GCDH: variants seen among roughly 807,000 people sequenced by gnomAD.
GCDH encodes the protein glutaryl-CoA dehydrogenase, mitochondrial.
A neutral mutation model predicts 52.8 loss-of-function variants in GCDH; 31 were observed. The observed-to-expected ratio is 0.59, with a 90% CI of 0.44 to 0.79. The LOEUF is 0.79. Ranked by LOEUF, GCDH falls within the 30% of genes least tolerant of loss-of-function variation. The pLI is 0.00. For missense variants in GCDH, 509 were observed against 595.0 expected (o/e 0.86, Z 1.50); for synonymous variants, 242 against 250.0 (o/e 0.97, Z 0.30).
In GCDH at chr19:12,899,931, C is replaced by T; in HGVS notation, c.*390C>T. ...TAGTGCCTTATGCTGGGTGTTGGAG[C>T]AGAGTGAGGGAGAGGAAAATAAAGA... On this transcript the variant is annotated 3_prime_UTR_variant, in exon 12 of 12. Transcript: ENST00000222214. 1 of 1,610,348 alleles carries T rather than the reference C, an allele frequency of 6.2e-7. No homozygotes were observed. Among genetic ancestry groups the T allele is most frequent in the Non-Finnish European group, 8.5e-7 (1 of 1,178,810 alleles).
chr19:12,897,103 C>A, intron 9 of GCDH, 90 bp downstream of exon 9: 1 of 1,224,940 alleles, frequency 8.2e-7, no homozygotes, highest in South Asian at 1.2e-5. Flanking sequence ...AGCCCCCACC[C>A]ACCAGGCCTG....
rs934795820 is a variant in GCDH at position 12,896,737 on chromosome 19, C to T, written c.853-173C>T. 1.6e-4 allele frequency among the ~76,000 whole-genome samples: 25 copies of T among 152,178 alleles called. No homozygotes were observed. Among genetic ancestry groups the T allele is most frequent in the Non-Finnish European group, 2.9e-5 (2 of 68,034 alleles). ...AGGCTGGGTGGGACTGTGTGCAAAC[C>T]GAGTGAGCAGGCACCGAGCTTCAGT... On this transcript the variant is annotated intron_variant, in intron 8 of 11. Coordinates refer to ENST00000222214, the MANE Select transcript of GCDH (RefSeq NM_000159.4). The surrounding 1 kb of genome is among the most constrained non-coding windows in gnomAD (Gnocchi z 5.5).
At chr19:12,891,695 T>G (rs1970560109) in intron 3 of GCDH, 136 bp from the exon 4 acceptor site, 2 of 1,599,722 alleles carry the variant, frequency 1.3e-6, no homozygotes, top group Non-Finnish European at 8.5e-7. Context: ...CGGAGAAAAG[T>G]CACCTGATCA....
Position 12,896,306 on chromosome 19 carries a change from C to T in GCDH, c.737C>T (p.Ser246Leu), listed in dbSNP as rs754312389. The T allele has an allele frequency of 8.7e-6, 14 of 1,613,904 alleles. No individual in the cohort carries two copies. The highest frequency in any genetic ancestry group is 4.5e-5 in the East Asian group (2 of 44,886). ...FLLEKGMRGL[S>L]APRIQGKFSL... ...CTGGAGAAGGGGATGCGGGGTCTCT[C>T]GGCCCCCAGGATCCAGGGCAAGTTC... Residue 246 changes from serine (S) to leucine (L), a missense_variant, in exon 8 of 12, where the codon TCG (serine) becomes TTG (leucine). Coordinates refer to ENST00000222214, the MANE Select transcript of GCDH (RefSeq NM_000159.4). The surrounding 1 kb of genome is among the most constrained non-coding windows in gnomAD (Gnocchi z 5.5).
Position 12,893,474 on chromosome 19 carries a change from T to C in GCDH, c.335-9T>C, listed in dbSNP as rs2145943908. 1 of 1,612,992 alleles carries C rather than the reference T, an allele frequency of 6.2e-7. No individual in the cohort carries two copies. The highest frequency in any genetic ancestry group is 2.2e-5 in the East Asian group (1 of 44,888). On this transcript the variant is annotated splice_polypyrimidine_tract_variant and intron_variant, in intron 5 of 11. Transcript: ENST00000222214. Reference sequence around the variant, plus strand: ...CTATTGTCCTGCTTTCCCCTCCTACTACCACCAGGATATGGCTGTGCTGGG... The same window carrying C: ...CTATTGTCCTGCTTTCCCCTCCTACCACCACCAGGATATGGCTGTGCTGGG...
In GCDH at chr19:12,897,711, C is replaced by G; in HGVS notation, c.1091C>G (p.Pro364Arg). 6.2e-7 allele frequency: 1 copy of G among 1,614,154 alleles called. No individual in the cohort carries two copies. Among genetic ancestry groups the G allele is most frequent in the Non-Finnish European group, 8.5e-7 (1 of 1,180,010 alleles). The change falls in exon 11 of 12, where the codon CCC becomes CGC. Residue 364 changes from proline (P) to arginine (R), a missense_variant. By Grantham distance (103) the Pro-to-Arg change is moderately radical (BLOSUM62 -2). Transcript: ENST00000222214. ...TCATGTGCCACTCCCAGGGCTGCCC[C>G]CGAGATGGTTTCTCTGCTGAAGAGG... Reference protein sequence around the residue: ...GRLKDQDKAAPEMVSLLKRNN... With the variant: ...GRLKDQDKAAREMVSLLKRNN...
chr19:12,896,164 G>A lies in GCDH; in HGVS notation c.636-41G>A. 1 of 1,614,148 alleles carries A rather than the reference G, an allele frequency of 6.2e-7. No homozygotes were observed. Among genetic ancestry groups the A allele is most frequent in the Non-Finnish European group, 8.5e-7 (1 of 1,180,004 alleles). On this transcript the variant is annotated intron_variant, in intron 7 of 11. Coordinates refer to ENST00000222214, the MANE Select transcript of GCDH (RefSeq NM_000159.4). The surrounding 1 kb of genome is among the most constrained non-coding windows in gnomAD (Gnocchi z 5.5). ...TGGGCAGGTGGTGAACAGGGGCAAAGGGGCACTGGTCAGACCCCTCACCGA... is the reference window on the plus strand; with the variant it reads ...TGGGCAGGTGGTGAACAGGGGCAAAAGGGCACTGGTCAGACCCCTCACCGA...
At position 12,896,851 on chromosome 19, in the gene GCDH, C is replaced by T; in HGVS notation, c.853-59C>T. ...GGCTTTCCCTGCTTCAGAGTTGGTT[C>T]TGCATAGGCCCTCTTGGTGTCTCTT... On this transcript the variant is annotated intron_variant, in intron 8 of 11. Transcript: ENST00000222214. This position sits in a 1 kb window ranked among gnomAD's most constrained non-coding sequence, Gnocchi z 5.5. The T allele has an allele frequency of 8.1e-7, 1 of 1,227,668 alleles. No individual in the cohort carries two copies. Among genetic ancestry groups the T allele is most frequent in the Admixed American group, 1.7e-5 (1 of 58,492 alleles). The allele number at this position is 1,227,668 out of a possible 1,614,324, so 76.0% of individuals were successfully genotyped here.
chr19:12,899,148 G>A (rs933926888), intron 11 of GCDH: 15 of 601,366 alleles, frequency 2.5e-5, no homozygotes, highest in Admixed American at 1.2e-4. Flanking sequence ...TGGGGAGCAC[G>A]AAGCCTGGGC....
intron 2 of GCDH, 45 bp downstream of exon 2, chr19:12,891,440 G>A: frequency 1.2e-6 from 2 of 1,614,218 alleles, no homozygotes; most frequent in Admixed American, 1.7e-5. Context: ...GGAGGAACTG[G>A]GGGTTTAGGG....
intron 6 of GCDH, among the ~76,000 whole-genome samples, chr19:12,895,705 G>T (rs547871344): frequency 2.0e-5 from 3 of 151,500 alleles, no homozygotes; most frequent in African/African-American, 7.3e-5. Context: ...TCTCCTGCCC[G>T]GGTTCAAGCG....
At position 12,899,805 on chromosome 19, in the gene GCDH, C is replaced by G. The variant is rs1248341536; in HGVS notation, c.*264C>G. The G allele has an allele frequency of 5.7e-6, 9 of 1,585,538 alleles. No individual in the cohort carries two copies. The East Asian group carries it at 1.8e-4, about 32-fold the overall frequency. On this transcript the variant is annotated 3_prime_UTR_variant, in exon 12 of 12. Coordinates refer to ENST00000222214, the MANE Select transcript of GCDH (RefSeq NM_000159.4). ...GACTCCATTTACCCTGAAATAGCAGCTTCTCTTGAGAGGAGAGTGACATGG... is the reference window on the plus strand; with the variant it reads ...GACTCCATTTACCCTGAAATAGCAGGTTCTCTTGAGAGGAGAGTGACATGG...
In GCDH at chr19:12,895,290, C is replaced by T. The variant is rs116838625; in HGVS notation, c.506-702C>T. Among the ~76,000 whole-genome samples, 1,397 of 152,146 alleles carry T rather than the reference C, an allele frequency of 9.2e-3. 23 individuals are homozygous for T. Among genetic ancestry groups the T allele is most frequent in the African/African-American group, 0.032 (1,314 of 41,480 alleles). On this transcript the variant is annotated intron_variant, in intron 6 of 11. Coordinates refer to ENST00000222214, the MANE Select transcript of GCDH (RefSeq NM_000159.4). ...TTTTTCTTTTTTTGAGACAAAGTCC[C>T]GCTCCGTCCCCCAGGCTGAAGTGCA...
Position 12,893,861 on chromosome 19 carries a change from C to T in GCDH, c.505+208C>T, listed in dbSNP as rs1045997105. On this transcript the variant is annotated intron_variant, in intron 6 of 11. Transcript: ENST00000222214. ...CCCCTCTGTGACCACCGTCATCTCC[C>T]TATGCTTTCTGTGTTCCCCAGTCCA... 18 of 639,336 alleles carry T rather than the reference C, an allele frequency of 2.8e-5. No homozygotes were observed. The Middle Eastern group carries it at 4.5e-3, about 160-fold the overall frequency. 39.6% of individuals were successfully genotyped at this position (639,336 alleles called of 1,614,324 possible). A position where few individuals can be genotyped will look rare whatever the true frequency, so the allele number is the denominator to read the frequency against.
intron 5 of GCDH, among the ~76,000 whole-genome samples, chr19:12,892,814 C>T (rs1970590373): frequency 6.6e-6 from 1 of 151,894 alleles, no homozygotes; most frequent in Non-Finnish European, 1.5e-5. Flanking sequence ...AACTCCTGAC[C>T]TCAGGTGATC....
chr19:12,897,348 G>C lies in GCDH; in HGVS notation c.1002G>C (p.Lys334Asn), dbSNP rs376338666. The C allele has an allele frequency of 3.1e-6, 5 of 1,613,646 alleles. No individual in the cohort carries two copies. The highest frequency in any genetic ancestry group is 4.2e-6 in the Non-Finnish European group (5 of 1,179,938). The change falls in exon 10 of 12, where the codon AAG (lysine) becomes AAC (asparagine). Residue 334 changes from lysine (K) to asparagine (N), a missense_variant. Transcript: ENST00000222214. The part of the protein sequence containing the change: ...VPLARNQLIQ[K>N]KLADMLTEIT... The stretch of plus-strand genomic sequence containing the variant: ...TGGCCAGGAACCAGCTGATTCAGAA[G>C]AAGCTGGCAGACATGCTCACTGAGA...
intron 10 of GCDH, 75 bp from the exon 11 acceptor site, chr19:12,897,628 C>A: frequency 6.3e-7 from 1 of 1,575,660 alleles, no homozygotes; most frequent in Non-Finnish European, 8.7e-7. Flanking sequence ...GGAATCCCCA[C>A]CCCGGGCTAG....
intron 6 of GCDH, 92 bp from the exon 7 acceptor site, chr19:12,895,900 G>GT (rs1970663666): frequency 1.3e-6 from 2 of 1,508,224 alleles, no homozygotes; most frequent in African/African-American, 1.4e-5. Context: ...GATGACAGGC[G>GT]TGAGCCACTG....
intron 11 of GCDH, chr19:12,898,726 G>T: frequency 6.3e-6 from 1 of 158,252 alleles, no homozygotes; most frequent in South Asian, 1.8e-4. Context: ...AAGTTATGAT[G>T]AGCTATGATC....
Sources: gnomAD v4.1 joint callset for allele counts (sites outside exome capture counted in the v4.1 genomes callset) on GRCh38, gnomAD v4.1.1 for gene constraint, Gnocchi (gnomAD v3.1) non-coding constraint, MANE v1.5 for transcripts, NCBI Gene and HGNC (gene_info 2026-07-23, HGNC 2026-07-21) for gene names.